PDE10A: variants seen among roughly 807,000 people sequenced by gnomAD.
PDE10A encodes cAMP and cAMP-inhibited cGMP 3',5'-cyclic phosphodiesterase 10A.
In PDE10A, 39 loss-of-function variants were observed where a neutral mutation model predicts 97.7. The ratio of observed to expected loss-of-function variants is 0.40; its 90% CI spans 0.31 to 0.52. PDE10A has a LOEUF of 0.52. Ranked by LOEUF, PDE10A falls within the 20% of genes least tolerant of loss-of-function variation. The probability of loss-of-function intolerance (pLI) is 0.56; values close to 1 mark genes in which losing one functional copy is unlikely to be tolerated. For missense variants in PDE10A, 731 were observed against 1,047.8 expected (o/e 0.70, Z 4.17); for synonymous variants, 371 against 376.8 (o/e 0.98, Z 0.18).
chr6:165,830,376 T>C (rs950406283), intron 1 of PDE10A, among the ~76,000 whole-genome samples: 4 of 152,076 alleles, frequency 2.6e-5, no homozygotes, highest in Admixed American at 2.6e-4. Context: ...CCTCAGTCAA[T>C]GATGCACTAA....
chr6:165,797,081 C>T (rs531383169), intron 1 of PDE10A, among the ~76,000 whole-genome samples: 3 of 152,310 alleles, frequency 2.0e-5, no homozygotes, highest in South Asian at 4.1e-4. Flanking sequence ...GCAGGACTCT[C>T]CTAGCAAATG....
chr6:165,423,735 C>T (rs970806503), intron 10 of PDE10A, among the ~76,000 whole-genome samples: 2 of 151,636 alleles, frequency 1.3e-5, no homozygotes, highest in Non-Finnish European at 2.9e-5. Flanking sequence ...TGTGGTGGCG[C>T]GTGCCTGTAG....
At chr6:165,749,941 T>C (rs1172265666) in intron 1 of PDE10A, among the ~76,000 whole-genome samples, 1 of 152,224 alleles carries the variant, frequency 6.6e-6, no homozygotes, top group Non-Finnish European at 1.5e-5. Context: ...AAATAGACAA[T>C]GCACCTCATG....
intron 10 of PDE10A, among the ~76,000 whole-genome samples, chr6:165,424,696 T>C (rs755109401): frequency 3.3e-5 from 5 of 152,120 alleles, no homozygotes; most frequent in African/African-American, 4.8e-5. Flanking sequence ...TGAATATAGA[T>C]GCAAACTTGG....
At chr6:165,565,742 A>G (rs1472318827) in intron 1 of PDE10A, among the ~76,000 whole-genome samples, 1 of 152,226 alleles carries the variant, frequency 6.6e-6, no homozygotes, top group Non-Finnish European at 1.5e-5. Context: ...TACGTGGATC[A>G]ATGGAATAAA....
intron 1 of PDE10A, among the ~76,000 whole-genome samples, chr6:165,778,305 C>T (rs890289141): frequency 2.0e-5 from 3 of 152,136 alleles, no homozygotes; most frequent in Non-Finnish European, 4.4e-5. Flanking sequence ...CTCCTGACCT[C>T]GTGATCCACC....
At chr6:165,373,412 T>C (rs926510922) in intron 18 of PDE10A, among the ~76,000 whole-genome samples, 1 of 152,026 alleles carries the variant, frequency 6.6e-6, no homozygotes, top group African/African-American at 2.4e-5. Flanking sequence ...CATCAAAAAG[T>C]GGGCAAAGGA....
intron 1 of PDE10A, among the ~76,000 whole-genome samples, chr6:165,898,001 G>T (rs1782003149): frequency 6.6e-6 from 1 of 151,782 alleles, no homozygotes; most frequent in Non-Finnish European, 1.5e-5. Flanking sequence ...ACTCCCGTTA[G>T]CCCCTGTAAC....
intron 1 of PDE10A, among the ~76,000 whole-genome samples, chr6:165,816,747 T>A (rs1051578013): frequency 4.6e-5 from 7 of 152,092 alleles, no homozygotes; most frequent in African/African-American, 1.7e-4. Flanking sequence ...CAGAGTGCCC[T>A]GGGGGCTCAG....
intron 19 of PDE10A, among the ~76,000 whole-genome samples, chr6:165,341,487 C>T (rs525643): frequency 0.22 from 33,068 of 152,088 alleles, 3,917 homozygotes; most frequent in African/African-American, 0.28. Flanking sequence ...ACAAAACGTG[C>T]ATTTTTAGTA....
chr6:165,647,931 G>A (rs926994527), intron 1 of PDE10A, among the ~76,000 whole-genome samples: 20 of 152,188 alleles, frequency 1.3e-4, no homozygotes, highest in African/African-American at 3.6e-4. Context: ...CAACTACAAC[G>A]CAGGGGCTCG....
chr6:165,981,345 T>C (rs1189666726), intron 1 of PDE10A, among the ~76,000 whole-genome samples: 3 of 152,224 alleles, frequency 2.0e-5, no homozygotes, highest in African/African-American at 7.2e-5. Context: ...CTTTGTCAGT[T>C]ATCATTTAGA....
chr6:165,918,003 C>A (rs1401833710), intron 1 of PDE10A, among the ~76,000 whole-genome samples: 1 of 152,216 alleles, frequency 6.6e-6, no homozygotes, highest in Non-Finnish European at 1.5e-5. Flanking sequence ...CCACTAAAAT[C>A]AATTCCCTTA....
Position 165,331,274 on chromosome 6 carries a change from A to G in PDE10A, c.*1751T>C, listed in dbSNP as rs917540477. ...CAGTGGTACTTCTCTCTCTTTTGTT[A>G]TTACATTTTACCTCATAGTGTATAA... On this transcript the variant is annotated 3_prime_UTR_variant, in exon 22 of 22. Coordinates refer to ENST00000539869, the MANE Select transcript of PDE10A (RefSeq NM_001385079.1). The G allele has an allele frequency of 1.3e-5, 2 of 152,072 alleles. No individual in the cohort carries two copies. The highest frequency in any genetic ancestry group is 2.4e-5 in the African/African-American group (1 of 41,406). The allele number at this position is 152,072 out of a possible 1,614,324, so 9.4% of individuals were successfully genotyped here.
chr6:165,924,998 A>G (rs1450786542), intron 1 of PDE10A, among the ~76,000 whole-genome samples: 2 of 147,450 alleles, frequency 1.4e-5, no homozygotes, highest in Non-Finnish European at 3.0e-5. Flanking sequence ...CTGAGGGGAA[A>G]TGTTGGCACA....
chr6:165,392,819 T>G, intron 15 of PDE10A, 23 bp from the exon 16 acceptor site: 1 of 1,610,940 alleles, frequency 6.2e-7, no homozygotes, highest in Non-Finnish European at 8.5e-7. Context: ...GAAATTGTTA[T>G]GACTGAAACC....
intron 1 of PDE10A, among the ~76,000 whole-genome samples, chr6:165,820,278 T>A (rs997804932): frequency 6.6e-6 from 1 of 152,352 alleles, no homozygotes; most frequent in South Asian, 2.1e-4. Flanking sequence ...TATTCATATT[T>A]CAAAAATCTC....
At chr6:165,625,790 G>A (rs906532435) in intron 1 of PDE10A, among the ~76,000 whole-genome samples, 1 of 152,194 alleles carries the variant, frequency 6.6e-6, no homozygotes, top group Non-Finnish European at 1.5e-5. Context: ...ATGGAACTGT[G>A]AGTCCAGTAA....
intron 1 of PDE10A, among the ~76,000 whole-genome samples, chr6:165,705,677 G>T (rs1489932533): frequency 6.6e-6 from 1 of 152,090 alleles, no homozygotes; most frequent in Non-Finnish European, 1.5e-5. Context: ...TAATTCTTTT[G>T]ATTTTTATGG....
Sources: allele counts gnomAD v4.1 joint callset (sites outside exome capture counted in the v4.1 genomes callset), GRCh38; gene constraint gnomAD v4.1.1; transcripts MANE v1.5; gene names NCBI Gene and HGNC (gene_info 2026-07-23, HGNC 2026-07-21).